Variants in PARD3B observed in about 807,000 individuals in gnomAD.
PARD3B encodes the protein par-3 family cell polarity regulator beta.
PARD3B carries 103 observed loss-of-function variants against 130.2 expected under a neutral mutation model. That is an observed-to-expected ratio of 0.79 (90% CI 0.67 to 0.93). The LOEUF is 0.93. Among genes scored for constraint, PARD3B ranks in the 40% least tolerant of loss-of-function variants. The probability of loss-of-function intolerance (pLI) is 0.00; values close to 1 mark genes in which losing one functional copy is unlikely to be tolerated. For synonymous variants in PARD3B, 583 were observed against 553.2 expected (o/e 1.05, Z -0.76); for missense variants, 1,609 against 1,499.2 (o/e 1.07, Z -1.21).
At chr2:204,659,928 G>A (rs1055919006) in intron 1 of PARD3B, among the ~76,000 whole-genome samples, 1 of 152,126 alleles carries the variant, frequency 6.6e-6, no homozygotes, top group Non-Finnish European at 1.5e-5. Flanking sequence ...ACTATTTACA[G>A]TAATTCTAGC....
intron 16 of PARD3B, among the ~76,000 whole-genome samples, chr2:205,282,462 A>AAT (rs764057432): frequency 0.01 from 1,467 of 145,342 alleles, 29 homozygotes; most frequent in East Asian, 0.031. Flanking sequence ...GGCTTAAATT[A>AAT]ATATATATAT....
At chr2:205,198,198 C>T (rs2036796352) in intron 15 of PARD3B, among the ~76,000 whole-genome samples, 1 of 152,152 alleles carries the variant, frequency 6.6e-6, no homozygotes, top group Admixed American at 6.6e-5. Context: ...CATTGGCCTC[C>T]CACGCCCATT....
chr2:205,456,152 A>G (rs1185038401), intron 20 of PARD3B, among the ~76,000 whole-genome samples: 1 of 152,066 alleles, frequency 6.6e-6, no homozygotes, highest in African/African-American at 2.4e-5. Flanking sequence ...GTAGTAACCC[A>G]TGTATGGATG....
intron 6 of PARD3B, among the ~76,000 whole-genome samples, chr2:205,114,288 C>G (rs1489192090): frequency 6.6e-6 from 1 of 151,864 alleles, no homozygotes; most frequent in African/African-American, 2.4e-5. Context: ...TTCATATTAC[C>G]CCTGTTAAAA....
intron 15 of PARD3B, among the ~76,000 whole-genome samples, chr2:205,197,666 A>C (rs2036769556): frequency 6.6e-6 from 1 of 152,242 alleles, no homozygotes; most frequent in African/African-American, 2.4e-5. Context: ...GTTTTTAAAT[A>C]ATTGCATGTA....
chr2:205,117,175 G>GA (rs902251906), intron 6 of PARD3B, among the ~76,000 whole-genome samples: 5 of 152,192 alleles, frequency 3.3e-5, no homozygotes, highest in African/African-American at 4.8e-5. Flanking sequence ...TTAATTTAGG[G>GA]AAAAAACCCA....
At chr2:204,743,408 A>AT (rs1182874170) in intron 2 of PARD3B, among the ~76,000 whole-genome samples, 1 of 152,090 alleles carries the variant, frequency 6.6e-6, no homozygotes, top group African/African-American at 2.4e-5. Flanking sequence ...AATGGGAAGG[A>AT]TTTAAAACAA....
Position 205,113,383 on chromosome 2 carries a change from C to A in PARD3B, c.594-108C>A, listed in dbSNP as rs1397212840. On this transcript the variant is annotated intron_variant, in intron 5 of 22. Coordinates refer to ENST00000406610, the MANE Select transcript of PARD3B (RefSeq NM_001302769.2). ...TTGAAGTTGTATTAGTTGATATAAT[C>A]CTGAGCAGGGGTGTGTGTGTGTGTG... 5 of 583,800 alleles carry A rather than the reference C, an allele frequency of 8.6e-6. No homozygotes were observed. The Admixed American group carries it at 1.4e-4, about 17-fold the overall frequency. The allele number at this position is 583,800 out of a possible 1,614,324, so 36.2% of individuals were successfully genotyped here. A position where few individuals can be genotyped will look rare whatever the true frequency, so the allele number is the denominator to read the frequency against.
At chr2:205,499,510 C>T (rs971585377) in intron 20 of PARD3B, among the ~76,000 whole-genome samples, 2 of 152,084 alleles carry the variant, frequency 1.3e-5, no homozygotes, top group Non-Finnish European at 2.9e-5. Context: ...GGTCAAACAA[C>T]TGGAGCTTTG....
intron 1 of PARD3B, among the ~76,000 whole-genome samples, chr2:204,593,632 C>T (rs908716982): frequency 6.6e-6 from 1 of 152,090 alleles, no homozygotes; most frequent in Non-Finnish European, 1.5e-5. Context: ...TTATTTGGCT[C>T]TATTTAATTT....
chr2:204,566,192 T>C (rs1483615310), intron 1 of PARD3B, among the ~76,000 whole-genome samples: 1 of 152,208 alleles, frequency 6.6e-6, no homozygotes, highest in Non-Finnish European at 1.5e-5. Flanking sequence ...ATTTTCAGAA[T>C]TTCACATTTA....
intron 1 of PARD3B, among the ~76,000 whole-genome samples, chr2:204,553,636 A>G (rs1377277267): frequency 7.7e-6 from 1 of 130,012 alleles, no homozygotes; most frequent in African/African-American, 3.1e-5. Context: ...ATATGGATAT[A>G]TATTTATATA....
At chr2:204,594,623 C>T (rs148382138) in intron 1 of PARD3B, among the ~76,000 whole-genome samples, 3,966 of 152,232 alleles carry the variant, frequency 0.026, 76 homozygotes, top group Non-Finnish European at 0.038. Context: ...TGCAGTTGAC[C>T]GTAATTGCTA....
intron 5 of PARD3B, among the ~76,000 whole-genome samples, chr2:205,106,881 G>A (rs987927952): frequency 1.3e-5 from 2 of 152,142 alleles, no homozygotes; most frequent in Admixed American, 1.3e-4. Context: ...ATGCATGGGG[G>A]AAAGCTTGGA....
intron 18 of PARD3B, among the ~76,000 whole-genome samples, chr2:205,323,326 A>G (rs1428282905): frequency 2.0e-5 from 3 of 152,200 alleles, no homozygotes; most frequent in Non-Finnish European, 4.4e-5. Context: ...GGTTAATGGT[A>G]AAGACAATGT....
chr2:205,556,939 G>C (rs1174604959), intron 22 of PARD3B, among the ~76,000 whole-genome samples: 1 of 152,026 alleles, frequency 6.6e-6, no homozygotes. Flanking sequence ...TTCTGATTTC[G>C]CAGGCCTCCT....
At chr2:204,733,173 C>T (rs752229971) in intron 2 of PARD3B, among the ~76,000 whole-genome samples, 8 of 151,950 alleles carry the variant, frequency 5.3e-5, no homozygotes, top group South Asian at 2.1e-4. Context: ...AAAAGAATAA[C>T]GACTGTAATA....
At chr2:204,637,631 CAGTATTTTT>C (rs1238702343) in intron 1 of PARD3B, among the ~76,000 whole-genome samples, 2 of 151,940 alleles carry the variant, frequency 1.3e-5, no homozygotes, top group East Asian at 1.9e-4. Flanking sequence ...GTTAAAGTAA[CAGTATTTTT>C]AGTATTTTTA....
intron 20 of PARD3B, among the ~76,000 whole-genome samples, chr2:205,441,189 C>T (rs1291234452): frequency 6.6e-6 from 1 of 151,950 alleles, no homozygotes; most frequent in African/African-American, 2.4e-5. Flanking sequence ...CATGGATGAT[C>T]AGAGGTAGAA....
Sources: allele counts gnomAD v4.1 joint callset (sites outside exome capture counted in the v4.1 genomes callset), GRCh38; gene constraint gnomAD v4.1.1; transcripts MANE v1.5; gene names NCBI Gene and HGNC (gene_info 2026-07-23, HGNC 2026-07-21).